ADK: variants seen among roughly 807,000 people sequenced by gnomAD.
The protein encoded by ADK is adenosine kinase, also known as N6,N6-dimethyladenosine kinase.
A neutral mutation model predicts 44.7 loss-of-function variants in ADK; 24 were observed. The observed-to-expected ratio is 0.54, with a 90% CI of 0.39 to 0.76. ADK has a LOEUF of 0.76. Among genes scored for constraint, ADK ranks in the 30% least tolerant of loss-of-function variants. The probability of loss-of-function intolerance (pLI) is 0.00; values close to 1 mark genes in which losing one functional copy is unlikely to be tolerated. For missense variants in ADK, 321 were observed against 425.1 expected (o/e 0.76, Z 2.15); for synonymous variants, 128 against 142.6 (o/e 0.90, Z 0.73).
chr10:74,216,308 T>TA (rs1160952324), intron 2 of ADK, among the ~76,000 whole-genome samples: 1 of 152,194 alleles, frequency 6.6e-6, no homozygotes, highest in Non-Finnish European at 1.5e-5. Context: ...TAGCACACGG[T>TA]AAAATAACAA....
At chr10:74,226,106 A>C (rs1844525291) in intron 3 of ADK, among the ~76,000 whole-genome samples, 1 of 151,542 alleles carries the variant, frequency 6.6e-6, no homozygotes, top group Non-Finnish European at 1.5e-5. Context: ...CTTTTTTCTT[A>C]CCTTTTTTTT....
chr10:74,251,894 C>CTTTT (rs566363104), intron 3 of ADK, among the ~76,000 whole-genome samples: 2,091 of 99,306 alleles, frequency 0.021, 9 homozygotes, highest in Middle Eastern at 0.026. Flanking sequence ...GTGGCAGATA[C>CTTTT]TTTTTTTTTT....
chr10:74,479,247 G>A (rs1488831479), intron 6 of ADK, among the ~76,000 whole-genome samples: 4 of 151,898 alleles, frequency 2.6e-5, no homozygotes, highest in Admixed American at 6.6e-5. Context: ...AGCTCACCTC[G>A]GCCTCCAAAA....
intron 6 of ADK, among the ~76,000 whole-genome samples, chr10:74,419,466 C>T (rs1844483493): frequency 6.6e-6 from 1 of 152,116 alleles, no homozygotes; most frequent in Non-Finnish European, 1.5e-5. Context: ...AATAAAGTTA[C>T]ATGATGCCTC....
intron 1 of ADK, among the ~76,000 whole-genome samples, chr10:74,165,554 T>C (rs1842013178): frequency 1.3e-5 from 2 of 152,040 alleles, no homozygotes; most frequent in Admixed American, 1.3e-4. Context: ...CATTTTCTTA[T>C]TGATCTCCAC....
At chr10:74,224,514 G>T in intron 2 of ADK, 24 bp from the exon 3 acceptor site, 1 of 1,605,384 alleles carries the variant, frequency 6.2e-7, no homozygotes, top group African/African-American at 1.3e-5. Context: ...TATGAAGAGT[G>T]TAATTTTCGT....
chr10:74,533,484 T>C (rs1849359676), intron 7 of ADK, among the ~76,000 whole-genome samples: 1 of 152,194 alleles, frequency 6.6e-6, no homozygotes, highest in Non-Finnish European at 1.5e-5. Flanking sequence ...TAGACCTAAA[T>C]TTATTTTTCA....
chr10:74,642,059 A>G (rs1170730615), intron 9 of ADK, among the ~76,000 whole-genome samples: 1 of 152,176 alleles, frequency 6.6e-6, no homozygotes, highest in African/African-American at 2.4e-5. Context: ...TACATAATGT[A>G]TGATATCACA....
At chr10:74,173,933 A>G (rs1842241575) in intron 1 of ADK, among the ~76,000 whole-genome samples, 2 of 152,134 alleles carry the variant, frequency 1.3e-5, no homozygotes, top group Admixed American at 1.3e-4. Context: ...ACTCTTTACT[A>G]TAGTTAATTA....
chr10:74,463,432 A>G (rs1361573737), intron 6 of ADK, among the ~76,000 whole-genome samples: 1 of 152,202 alleles, frequency 6.6e-6, no homozygotes, highest in African/African-American at 2.4e-5. Flanking sequence ...CATAAGGAGC[A>G]CATAAGCTAG....
intron 6 of ADK, among the ~76,000 whole-genome samples, chr10:74,444,073 G>A (rs184701839): frequency 1.3e-5 from 2 of 152,120 alleles, no homozygotes; most frequent in African/African-American, 4.8e-5. Context: ...CTCCATTTCA[G>A]GTATATGCAA....
intron 7 of ADK, among the ~76,000 whole-genome samples, chr10:74,560,860 AAGAG>A (rs1165523398): frequency 2.2e-4 from 33 of 152,196 alleles, no homozygotes; most frequent in Non-Finnish European, 4.0e-4. Context: ...TTGCAAGAGA[AAGAG>A]AGAGGTGGTA....
chr10:74,264,105 G>A (rs1362334345), intron 3 of ADK, among the ~76,000 whole-genome samples: 4 of 152,180 alleles, frequency 2.6e-5, no homozygotes, highest in Non-Finnish European at 5.9e-5. Flanking sequence ...TAACTAGTGA[G>A]TAATGTATTG....
At chr10:74,622,232 G>C (rs1369487041) in intron 9 of ADK, among the ~76,000 whole-genome samples, 1 of 152,122 alleles carries the variant, frequency 6.6e-6, no homozygotes, top group Non-Finnish European at 1.5e-5. Context: ...AAAAAGTTAT[G>C]TTGGCTTCTC....
At chr10:74,295,888 C>T (rs914967695) in intron 3 of ADK, among the ~76,000 whole-genome samples, 1 of 152,070 alleles carries the variant, frequency 6.6e-6, no homozygotes, top group Non-Finnish European at 1.5e-5. Flanking sequence ...AACCTTTTCC[C>T]TACAGTATCT....
At chr10:74,664,615 G>T (rs1471496632) in intron 9 of ADK, among the ~76,000 whole-genome samples, 1 of 152,198 alleles carries the variant, frequency 6.6e-6, no homozygotes, top group African/African-American at 2.4e-5. Flanking sequence ...GGCCAAGGTG[G>T]ATGGATCACT....
chr10:74,633,260 C>T (rs1853503482), intron 9 of ADK, among the ~76,000 whole-genome samples: 1 of 152,196 alleles, frequency 6.6e-6, no homozygotes, highest in Admixed American at 6.5e-5. Flanking sequence ...CATTGTTCCA[C>T]ACCTTGCCTT....
At chr10:74,512,213 C>A (rs921112764) in intron 6 of ADK, among the ~76,000 whole-genome samples, 8 of 151,872 alleles carry the variant, frequency 5.3e-5, no homozygotes, top group African/African-American at 1.9e-4. Flanking sequence ...TTGTTGTGGA[C>A]TTTTGCATGT....
At chr10:74,254,859 C>T (rs543997388) in intron 3 of ADK, among the ~76,000 whole-genome samples, 1 of 152,096 alleles carries the variant, frequency 6.6e-6, no homozygotes, top group South Asian at 2.1e-4. Context: ...TGTTTATTTG[C>T]TATTAAACTG....
Sources: gnomAD v4.1 joint callset for allele counts (sites outside exome capture counted in the v4.1 genomes callset) on GRCh38, gnomAD v4.1.1 for gene constraint, MANE v1.5 for transcripts, NCBI Gene and HGNC (gene_info 2026-07-23, HGNC 2026-07-21) for gene names.